The following PYY variants were observed in gnomAD, a reference collection of about 807,000 sequenced individuals.
PYY encodes the protein peptide YY.
PYY carries 12 observed loss-of-function variants against 10.3 expected under a neutral mutation model. The ratio of observed to expected loss-of-function variants is 1.17; its 90% CI spans 0.75 to 1.89. The LOEUF is 1.89. Among genes scored for constraint, PYY ranks in the 40% most tolerant of loss-of-function variants. The probability of loss-of-function intolerance (pLI) is 0.00; values close to 1 mark genes in which losing one functional copy is unlikely to be tolerated. For missense variants in PYY, 141 were observed against 134.0 expected, an observed-to-expected ratio of 1.05 and a Z score of -0.26; for synonymous variants, 66 against 62.0, an observed-to-expected ratio of 1.06 and a Z score of -0.30.
intron 1 of PYY, among the ~76,000 whole-genome samples, chr17:43,967,450 C>G (rs981146584): frequency 4.6e-5 from 7 of 152,336 alleles, no homozygotes; most frequent in African/African-American, 1.7e-4. Context: ...ACATTCAACT[C>G]CCTCTGAAGC....
At chr17:43,957,061 C>T (rs1018338840), upstream of PYY, among the ~76,000 whole-genome samples, 5 of 151,624 alleles carry the variant, frequency 3.3e-5, no homozygotes, top group Non-Finnish European at 7.4e-5. Context: ...AGCCAAGCGT[C>T]GTGGCGCATG....
intron 1 of PYY, among the ~76,000 whole-genome samples, chr17:43,968,726 T>A (rs952147510): frequency 1.7e-4 from 25 of 151,384 alleles, no homozygotes; most frequent in African/African-American, 5.6e-4. Flanking sequence ...GCAGGAGAAT[T>A]GCTTGAACCC....
intron 1 of PYY, among the ~76,000 whole-genome samples, chr17:43,992,859 C>A (rs529661937): frequency 6.0e-4 from 92 of 152,216 alleles, no homozygotes; most frequent in African/African-American, 2.1e-3. Flanking sequence ...AAGTCAAGGG[C>A]TGCCCGCAAC....
At chr17:43,979,067 C>G (rs991851450) in intron 1 of PYY, among the ~76,000 whole-genome samples, 1 of 152,154 alleles carries the variant, frequency 6.6e-6, no homozygotes, top group Admixed American at 6.6e-5. Context: ...AAGTGAAAAG[C>G]TGGAAGGATC....
At chr17:43,983,901 G>A (rs1597854796) in intron 1 of PYY, among the ~76,000 whole-genome samples, 1 of 152,354 alleles carries the variant, frequency 6.6e-6, no homozygotes, top group East Asian at 1.9e-4. Context: ...CGGGCTGAGT[G>A]TTCCGAGGCG....
chr17:43,991,754 C>T (rs907865533), intron 1 of PYY, among the ~76,000 whole-genome samples: 2 of 149,914 alleles, frequency 1.3e-5, no homozygotes, highest in Non-Finnish European at 3.0e-5. Context: ...GCCTGGTGGT[C>T]GAGGCTGCAG....
At chr17:43,965,972 A>G (rs970809688) in intron 2 of PYY, among the ~76,000 whole-genome samples, 3 of 151,756 alleles carry the variant, frequency 2.0e-5, no homozygotes, top group Middle Eastern at 3.4e-3. Flanking sequence ...TCTTCACTGT[A>G]GGGTTGTCAT....
chr17:43,953,558 G>A (rs1357444911), intron 1 of PYY, 75 bp from the exon 2 acceptor site: 2 of 1,373,602 alleles, frequency 1.5e-6, no homozygotes, highest in African/African-American at 1.5e-5. Flanking sequence ...GCTGCCGTCG[G>A]GGCCGCGCTC....
At position 43,953,444 on chromosome 17, in the gene PYY, C is replaced by T; in HGVS notation, c.40G>A (p.Val14Met). The change falls in exon 2 of 4, where the codon GTG (valine) becomes ATG (methionine). Residue 14 changes from valine (V) to methionine (M), a missense_variant. Transcript: ENST00000692052. ...VRRPWPALTT[V>M]LLALLVCLGA... ...AGGCAGACGAGCAGGGCCAGAAGCA[C>T]TGTGGTCAAGGCGGGCCACGGCCTG... 6.2e-7 allele frequency: 1 copy of T among 1,611,820 alleles called. No individual in the cohort carries two copies.
intron 1 of PYY, among the ~76,000 whole-genome samples, chr17:43,975,438 T>A (rs1373081650): frequency 6.6e-6 from 1 of 152,020 alleles, no homozygotes; most frequent in South Asian, 2.1e-4. Context: ...CTGAGCACAG[T>A]GGCTCTTACC....
At chr17:43,955,592 G>A (rs1027110419), upstream of PYY, among the ~76,000 whole-genome samples, 2 of 152,122 alleles carry the variant, frequency 1.3e-5, no homozygotes, top group Admixed American at 6.5e-5. Flanking sequence ...CTTGGAGGGA[G>A]GAGAAAAATC....
chr17:43,974,661 T>C (rs1193417776), intron 1 of PYY, among the ~76,000 whole-genome samples: 1 of 152,190 alleles, frequency 6.6e-6, no homozygotes, highest in African/African-American at 2.4e-5. Flanking sequence ...TGCTATTGTT[T>C]GCAATAAAGA....
upstream of PYY, among the ~76,000 whole-genome samples, chr17:43,958,304 T>C (rs2143894598): frequency 6.6e-6 from 1 of 152,224 alleles, no homozygotes; most frequent in South Asian, 2.1e-4. Context: ...TTTATTATTA[T>C]TGAGCTCAAG....
chr17:44,000,218 G>A (rs911284390), intron 1 of PYY, among the ~76,000 whole-genome samples: 2 of 152,158 alleles, frequency 1.3e-5, no homozygotes, highest in African/African-American at 2.4e-5. Flanking sequence ...CAGGCGTCGA[G>A]GTTGTATGTC....
chr17:43,957,490 T>C (rs1475468712), upstream of PYY, among the ~76,000 whole-genome samples: 2 of 152,140 alleles, frequency 1.3e-5, no homozygotes, highest in Non-Finnish European at 2.9e-5. Flanking sequence ...AAACCCCGTC[T>C]CTACTAAAAC....
chr17:43,973,971 C>G (rs1043954163), intron 1 of PYY, among the ~76,000 whole-genome samples: 2 of 152,044 alleles, frequency 1.3e-5, no homozygotes, highest in African/African-American at 4.8e-5. Context: ...GAGACCTCTT[C>G]CTTGTCTGTG....
At chr17:43,958,213 T>C (rs887230484), upstream of PYY, among the ~76,000 whole-genome samples, 2 of 146,982 alleles carry the variant, frequency 1.4e-5, no homozygotes, top group African/African-American at 2.5e-5. Flanking sequence ...AAAGTTTGAA[T>C]TTTATATAAT....
chr17:43,963,568 G>GGAAAAGAAAGAAAGAAAGAAAGAAAA lies in PYY; in HGVS notation c.-218+2719_-218+2720insTTTTCTTTCTTTCTTTCTTTCTTTTC, dbSNP rs1491234902. Among the ~76,000 whole-genome samples the GGAAAAGAAAGAAAGAAAGAAAGAAAA allele has an allele frequency of 2.5e-3, 207 of 82,586 alleles. 3 individuals carry two copies. The highest frequency in any genetic ancestry group is 0.01 in the African/African-American group (199 of 19,228). 54.2% of individuals were successfully genotyped at this position (82,586 alleles called of 152,430 possible). A position where few individuals can be genotyped will look rare whatever the true frequency, so the allele number is the denominator to read the frequency against. ...GGAAGGGAAGGAAGGAAGGAAGGAA[G>GGAAAAGAAAGAAAGAAAGAAAGAAAA]GAAAAGAAAGAAAGAAAGAAAGAAA... is the stretch of plus-strand genomic sequence containing the variant. On this transcript the variant is annotated intron_variant, in intron 2 of 6. Transcript: ENST00000360085.
intron 1 of PYY, 138 bp from the exon 2 acceptor site, chr17:43,953,621 T>G: frequency 1.2e-6 from 1 of 802,950 alleles, no homozygotes; most frequent in Non-Finnish European, 1.9e-6. Context: ...CCGGGCTTGC[T>G]GTGTGTTCTT....
Sources: allele counts gnomAD v4.1 joint callset (sites outside exome capture counted in the v4.1 genomes callset), GRCh38; gene constraint gnomAD v4.1.1; transcripts MANE v1.5; gene names NCBI Gene and HGNC (gene_info 2026-07-23, HGNC 2026-07-21).